SKOR2: variants seen among roughly 807,000 people sequenced by gnomAD.
SKOR2 encodes LBX1 corepressor 1-like protein.
A neutral mutation model predicts 69.1 loss-of-function variants in SKOR2; 47 were observed. The ratio of observed to expected loss-of-function variants is 0.68; its 90% confidence interval spans 0.54 to 0.87. The LOEUF (loss-of-function observed/expected upper bound fraction) is 0.87, where lower values mean the gene tolerates loss of function less well. Ranked by LOEUF, SKOR2 falls within the 40% of genes least tolerant of loss-of-function variation. SKOR2 has a pLI of 0.00. For missense variants in SKOR2, 1,404 were observed against 1,472.2 expected (o/e 0.95, Z 0.76); for synonymous variants, 717 against 672.6 (o/e 1.07, Z -1.02).
chr18:47,215,323 TA>T (rs1412987601), intron 7 of SKOR2, among the ~76,000 whole-genome samples: 1 of 152,166 alleles, frequency 6.6e-6, no homozygotes, highest in Non-Finnish European at 1.5e-5. Flanking sequence ...GATCTTCTTC[TA>T]AAAATATAAT....
rs562752864 is a variant in SKOR2 at position 47,247,614 on chromosome 18, C to T, written c.1570G>A (p.Glu524Lys). Residue 524 changes from glutamate (E) to lysine (K), a missense_variant, in exon 2 of 9, where the codon GAG (glutamate) becomes AAG (lysine). By Grantham distance (56) the Glu-to-Lys change is moderately conservative (BLOSUM62 1). Transcript: ENST00000425639. This position sits in a 1 kb window ranked among gnomAD's most constrained non-coding sequence, Gnocchi z 6.6. ...GGCTGCCCCGGCGGGGGCGCGGCCT[C>T]GGCGCTCCCAGCAGCACCGCCTGGC... ...AEPGGAAGSA[E>K]AAPPPGQPPQ... 1.9e-5 allele frequency: 24 copies of T among 1,280,360 alleles called. No homozygotes were observed. In the East Asian group the frequency reaches 6.4e-4, roughly 34 times the overall value. 79.3% of individuals were successfully genotyped at this position (1,280,360 alleles called of 1,614,324 possible).
At chr18:47,216,497 A>C (rs1434527) in intron 7 of SKOR2, among the ~76,000 whole-genome samples, 56,075 of 151,986 alleles carry the variant, frequency 0.37, 10,404 homozygotes, top group Middle Eastern at 0.45. Context: ...AGACACAAAG[A>C]GAGTCAATCA....
At chr18:47,213,967 C>T (rs1165056518) in intron 7 of SKOR2, among the ~76,000 whole-genome samples, 1 of 152,124 alleles carries the variant, frequency 6.6e-6, no homozygotes, top group Non-Finnish European at 1.5e-5. Flanking sequence ...CATGACAGAG[C>T]CTGGAATGGA....
intron 6 of SKOR2, among the ~76,000 whole-genome samples, chr18:47,222,386 G>C (rs565414486): frequency 2.0e-5 from 3 of 152,178 alleles, no homozygotes; most frequent in Non-Finnish European, 4.4e-5. Context: ...GCACCCACTT[G>C]TCTTTCCTGT....
At position 47,247,730 on chromosome 18, in the gene SKOR2, A is replaced by C. The variant is rs1285562907; in HGVS notation, c.1454T>G (p.Leu485Arg). The C allele has an allele frequency of 3.7e-6, 5 of 1,362,846 alleles. No homozygotes were observed. Among genetic ancestry groups the C allele is most frequent in the Non-Finnish European group, 4.7e-6 (5 of 1,068,558 alleles). 84.4% of individuals were successfully genotyped at this position (1,362,846 alleles called of 1,614,324 possible). A position where few individuals can be genotyped will look rare whatever the true frequency, so the allele number is the denominator to read the frequency against. The part of the protein sequence containing the change: ...TPGGLPVPTY[L>R]QPPPQPPSAL... ...CGAGGGCGGCTGAGGCGGGGGCTGC[A>C]GGTAGGTGGGCACCGGGAGCCCGCC... Residue 485 changes from leucine to arginine, a missense_variant, in exon 2 of 9, where the codon CTG (leucine) becomes CGG (arginine). Leu to Arg is a moderately radical substitution (Grantham distance 102). This residue lies in a region of SKOR2 where 1,266 missense variants were observed against 1,309.9 expected (regional missense o/e 0.97). Coordinates refer to ENST00000425639, the MANE Select transcript of SKOR2 (RefSeq NM_001278063.4). The surrounding 1 kb of genome is among the most constrained non-coding windows in gnomAD (Gnocchi z 6.6).
At position 47,248,217 on chromosome 18, in the gene SKOR2, C is replaced by T. The variant is rs1462586858; in HGVS notation, c.967G>A (p.Val323Ile). The T allele has an allele frequency of 3.4e-5, 42 of 1,230,510 alleles. No homozygotes were observed. The highest frequency in any genetic ancestry group is 4.3e-5 in the Admixed American group (1 of 23,040). 76.2% of individuals were successfully genotyped at this position (1,230,510 alleles called of 1,614,324 possible). A position where few individuals can be genotyped will look rare whatever the true frequency, so the allele number is the denominator to read the frequency against. The change falls in exon 2 of 9, where the codon GTA (valine) becomes ATA (isoleucine). Residue 323 changes from valine (V) to isoleucine (I), a missense_variant. By Grantham distance (29) the Val-to-Ile change is conservative. This residue lies in a region of SKOR2 where 1,266 missense variants were observed against 1,309.9 expected (regional missense o/e 0.97). Coordinates refer to ENST00000425639, the MANE Select transcript of SKOR2 (RefSeq NM_001278063.4). The surrounding 1 kb of genome is among the most constrained non-coding windows in gnomAD (Gnocchi z 6.4). ...GCCGAGAGGCTGGCGGCGGCCACTA[C>T]GGCGGCCTCCTGCAAGGAGTCGTCG... Reference protein sequence around the residue: ...DDDDSLQEAAVVAAASLSAAA... With the variant: ...DDDDSLQEAAIVAAASLSAAA...
chr18:47,228,950 T>C lies in SKOR2; in HGVS notation c.2917+1509A>G, dbSNP rs527935802. ...GAAGTACCATGAGCTCCAGCCTCCT[T>C]TGGAGTATGCAGAGAGGACACACTT... is the stretch of plus-strand genomic sequence containing the variant. On this transcript the variant is annotated intron_variant, in intron 6 of 8. Coordinates refer to ENST00000425639, the MANE Select transcript of SKOR2 (RefSeq NM_001278063.4). 4.6e-5 allele frequency among the ~76,000 whole-genome samples: 7 copies of C among 152,304 alleles called. No individual in the cohort carries two copies. The East Asian group carries it at 9.6e-4, about 21-fold the overall frequency.
chr18:47,210,806 T>C (rs1015347537), intron 8 of SKOR2, among the ~76,000 whole-genome samples: 1 of 152,118 alleles, frequency 6.6e-6, no homozygotes, highest in Non-Finnish European at 1.5e-5. Flanking sequence ...TATCATCTGC[T>C]CACCAAGAAC....
At chr18:47,214,409 T>G (rs1314019030) in intron 7 of SKOR2, among the ~76,000 whole-genome samples, 1 of 152,168 alleles carries the variant, frequency 6.6e-6, no homozygotes, top group Non-Finnish European at 1.5e-5. Context: ...GGTGAAGAAT[T>G]ATCCCTACTA....
rs2064195915 is a variant in SKOR2 at position 47,231,017 on chromosome 18, A to G, written c.2753-17T>C. Reference sequence around the variant, plus strand: ...TATGTTCACCTTTTAAAAAAGCAGGAAAAATACTATTAGTTTTGTGTAGGC... The same window carrying G: ...TATGTTCACCTTTTAAAAAAGCAGGGAAAATACTATTAGTTTTGTGTAGGC... On this transcript the variant is annotated splice_polypyrimidine_tract_variant and intron_variant, in intron 4 of 8. Coordinates refer to ENST00000425639, the MANE Select transcript of SKOR2 (RefSeq NM_001278063.4). 3 of 1,535,928 alleles carry G rather than the reference A, an allele frequency of 2.0e-6. No homozygotes were observed. In the East Asian group the frequency reaches 7.3e-5, roughly 38 times the overall value.
intron 6 of SKOR2, among the ~76,000 whole-genome samples, chr18:47,223,505 A>C (rs958737460): frequency 6.6e-6 from 1 of 152,212 alleles, no homozygotes; most frequent in African/African-American, 2.4e-5. Flanking sequence ...GTTTAACCTA[A>C]GGAAATAATA....
chr18:47,208,980 G>A (rs1234049158), intron 8 of SKOR2, among the ~76,000 whole-genome samples: 2 of 152,188 alleles, frequency 1.3e-5, no homozygotes, highest in Non-Finnish European at 2.9e-5. Flanking sequence ...GATAAATCCA[G>A]GGTAATGGAT....
chr18:47,221,210 C>T (rs1273683798), intron 6 of SKOR2, among the ~76,000 whole-genome samples: 1 of 152,106 alleles, frequency 6.6e-6, no homozygotes, highest in East Asian at 1.9e-4. Context: ...CTTATCCAAC[C>T]CCAAACATGT....
chr18:47,207,379 A>G (rs1403792716), intron 8 of SKOR2, among the ~76,000 whole-genome samples: 1 of 152,184 alleles, frequency 6.6e-6, no homozygotes, highest in Non-Finnish European at 1.5e-5. Context: ...TTAGGTGACA[A>G]ACCAGAGGAG....
intron 6 of SKOR2, among the ~76,000 whole-genome samples, chr18:47,221,220 T>A (rs538454645): frequency 6.6e-6 from 1 of 152,164 alleles, no homozygotes; most frequent in Non-Finnish European, 1.5e-5. Context: ...CCCAAACATG[T>A]GTTCTAATTA....
At chr18:47,235,640 C>A (rs549727226) in intron 4 of SKOR2, among the ~76,000 whole-genome samples, 1 of 152,172 alleles carries the variant, frequency 6.6e-6, no homozygotes, top group East Asian at 1.9e-4. Flanking sequence ...ATATTCCAAC[C>A]CACTCTTGGT....
intron 8 of SKOR2, among the ~76,000 whole-genome samples, chr18:47,208,831 A>G (rs2144471194): frequency 6.6e-6 from 1 of 152,326 alleles, no homozygotes; most frequent in South Asian, 2.1e-4. Flanking sequence ...GAAGAGCGGT[A>G]CAATGTCTAA....
chr18:47,245,189 T>A (rs1011455504), intron 3 of SKOR2, among the ~76,000 whole-genome samples: 4 of 152,198 alleles, frequency 2.6e-5, no homozygotes, highest in Non-Finnish European at 4.4e-5. Flanking sequence ...TATCTAAGAA[T>A]TTTAGCATAT....
Position 47,247,334 on chromosome 18 carries a change from C to G in SKOR2, c.1850G>C (p.Ser617Thr). 1 of 1,475,976 alleles carries G rather than the reference C, an allele frequency of 6.8e-7. No homozygotes were observed. The highest frequency in any genetic ancestry group is 8.9e-7 in the Non-Finnish European group (1 of 1,119,596). 91.4% of individuals were successfully genotyped at this position (1,475,976 alleles called of 1,614,324 possible). The change falls in exon 2 of 9, where the codon AGC becomes ACC. Residue 617 changes from serine (S) to threonine (T), a missense_variant. Ser to Thr is a moderately conservative substitution (Grantham distance 58). Coordinates refer to ENST00000425639, the MANE Select transcript of SKOR2 (RefSeq NM_001278063.4). This position sits in a 1 kb window ranked among gnomAD's most constrained non-coding sequence, Gnocchi z 6.6. Reference protein sequence around the residue: ...LLEGRKAGGGSYHHSSAFRPV... With the variant: ...LLEGRKAGGGTYHHSSAFRPV... ...CCGGAAGGCGCTGGAATGGTGGTAG[C>G]TGCCACCGCCCGCTTTGCGCCCCTC...
Sources: gnomAD v4.1 joint callset for allele counts (sites outside exome capture counted in the v4.1 genomes callset) on GRCh38, gnomAD v4.1.1 for gene constraint, gnomAD v4.1.1 regional missense constraint, Gnocchi (gnomAD v3.1) non-coding constraint, MANE v1.5 for transcripts, NCBI Gene and HGNC (gene_info 2026-07-23, HGNC 2026-07-21) for gene names.